Variants in RARB observed in about 807,000 individuals in gnomAD.
RARB encodes HBV-activated protein.
In RARB, 17 loss-of-function variants were observed where a neutral mutation model predicts 51.9. The observed-to-expected ratio is 0.33, with a 90% CI of 0.22 to 0.49. RARB has a LOEUF of 0.49. Ranked by LOEUF, RARB falls within the 20% of genes least tolerant of loss-of-function variation. The pLI is 0.99. For synonymous variants in RARB, 215 were observed against 195.4 expected (o/e 1.10, Z -0.84); for missense variants, 369 against 550.8 (o/e 0.67, Z 3.30).
chr3:25,059,220 C>G (rs192250872), intron 2 of RARB, among the ~76,000 whole-genome samples: 294 of 151,814 alleles, frequency 1.9e-3, no homozygotes, highest in Non-Finnish European at 3.2e-3. Context: ...TTAACCTAAG[C>G]CACTATTTAT....
chr3:25,410,325 G>C (rs1031034910), intron 5 of RARB, among the ~76,000 whole-genome samples: 1 of 152,118 alleles, frequency 6.6e-6, no homozygotes. Flanking sequence ...TCACAAATCT[G>C]TCTCTCTTAC....
intron 2 of RARB, among the ~76,000 whole-genome samples, chr3:24,890,982 C>T (rs1703367037): frequency 1.3e-5 from 2 of 152,126 alleles, no homozygotes; most frequent in East Asian, 3.9e-4. Flanking sequence ...CACCCATTAG[C>T]AGCCTAGTAA....
intron 5 of RARB, among the ~76,000 whole-genome samples, chr3:25,179,182 C>G (rs1023967346): frequency 6.6e-6 from 1 of 152,090 alleles, no homozygotes; most frequent in African/African-American, 2.4e-5. Context: ...AGTCTTATTT[C>G]TATTTTTTGT....
chr3:24,987,499 A>T (rs1696818974), intron 2 of RARB, among the ~76,000 whole-genome samples: 1 of 152,262 alleles, frequency 6.6e-6, no homozygotes, highest in Non-Finnish European at 1.5e-5. Flanking sequence ...AGAGAAAGAA[A>T]GAGATGGATC....
chr3:25,473,014 C>G (rs1409390501), intron 2 of RARB, among the ~76,000 whole-genome samples: 2 of 152,186 alleles, frequency 1.3e-5, no homozygotes, highest in Non-Finnish European at 2.9e-5. Flanking sequence ...GTTTTCTGTT[C>G]TCTTGTTGTA....
At chr3:25,094,743 G>GAAAAAAAAAAAAAAA (rs1559464234) in intron 3 of RARB, among the ~76,000 whole-genome samples, 25 of 87,012 alleles carry the variant, frequency 2.9e-4, no homozygotes, top group Admixed American at 4.7e-4. Context: ...AAAAAAAAAG[G>GAAAAAAAAAAAAAAA]AAACTGCAAC....
At chr3:25,160,802 G>A (rs1048341465) in intron 4 of RARB, among the ~76,000 whole-genome samples, 1 of 152,180 alleles carries the variant, frequency 6.6e-6, no homozygotes, top group Non-Finnish European at 1.5e-5. Context: ...AGGAGAACTT[G>A]TTTCCTTGCC....
intron 5 of RARB, among the ~76,000 whole-genome samples, chr3:25,401,510 C>T (rs764829097): frequency 2.6e-5 from 4 of 152,010 alleles, no homozygotes; most frequent in Non-Finnish European, 5.9e-5. Flanking sequence ...TCTTTAAAAG[C>T]AATGTGCTGA....
At chr3:25,146,740 C>T (rs549122976) in intron 4 of RARB, among the ~76,000 whole-genome samples, 108 of 151,946 alleles carry the variant, frequency 7.1e-4, no homozygotes, top group African/African-American at 2.5e-3. Flanking sequence ...AGGATAGTCT[C>T]GATCTCCTGA....
At position 24,950,185 on chromosome 3, in the gene RARB, A is replaced by C. The variant is rs985538327; in HGVS notation, c.-380+91433A>C. On this transcript the variant is annotated intron_variant, in intron 2 of 11. Transcript: ENST00000383772. ...TTCATTCTGTGTTTTCTTCGGAATT[A>C]ATAGAGCCTCTTAAAAACTGCCGTC... Among the ~76,000 whole-genome samples the C allele has an allele frequency of 3.3e-5, 5 of 152,330 alleles. No homozygotes were observed. In the East Asian group the frequency reaches 5.8e-4, roughly 18 times the overall value.
At chr3:25,320,406 A>T (rs967772283) in intron 5 of RARB, among the ~76,000 whole-genome samples, 1 of 152,118 alleles carries the variant, frequency 6.6e-6, no homozygotes, top group African/African-American at 2.4e-5. Flanking sequence ...TCGTCTTTAG[A>T]GCTGATCCAT....
chr3:24,887,241 G>A (rs557020054), intron 2 of RARB, among the ~76,000 whole-genome samples: 1 of 152,236 alleles, frequency 6.6e-6, no homozygotes, highest in East Asian at 1.9e-4. Flanking sequence ...GCGGCGGGGT[G>A]GAGAGACAAA....
At chr3:25,212,400 A>G (rs1018155134) in intron 5 of RARB, among the ~76,000 whole-genome samples, 1 of 152,216 alleles carries the variant, frequency 6.6e-6, no homozygotes, top group Non-Finnish European at 1.5e-5. Flanking sequence ...TGGGCAGATC[A>G]CAAGGTCAGG....
At chr3:25,261,905 T>C (rs573589745) in intron 5 of RARB, among the ~76,000 whole-genome samples, 1 of 152,076 alleles carries the variant, frequency 6.6e-6, no homozygotes, top group South Asian at 2.1e-4. Context: ...ATCTCCACCA[T>C]CTCCCATCTC....
chr3:24,894,123 T>G (rs1271668356), intron 2 of RARB, among the ~76,000 whole-genome samples: 1 of 152,172 alleles, frequency 6.6e-6, no homozygotes. Flanking sequence ...TTTTATAATT[T>G]CGACTTTTCT....
chr3:25,105,107 A>T (rs1180647565), intron 3 of RARB, among the ~76,000 whole-genome samples: 3 of 152,194 alleles, frequency 2.0e-5, no homozygotes, highest in Non-Finnish European at 4.4e-5. Flanking sequence ...TAATTCAAAC[A>T]TTGTTACGCT....
chr3:25,027,625 A>C lies in RARB; in HGVS notation c.-379-32500A>C, dbSNP rs76790574. Among the ~76,000 whole-genome samples, 271 of 151,746 alleles carry C rather than the reference A, an allele frequency of 1.8e-3. 1 individual carries two copies. The highest frequency in any genetic ancestry group is 2.7e-3 in the Non-Finnish European group (181 of 67,938). ...TACACTTTATGGAAAGGAAAAAAAA[A>C]CCACAATTCTGTTGACACTAATATA... On this transcript the variant is annotated intron_variant, in intron 2 of 11. Coordinates refer to the RARB transcript ENST00000383772.
rs78156665 is a variant in RARB at position 25,402,550 on chromosome 3, C to A, written c.179-58643C>A. On this transcript the variant is annotated intron_variant, in intron 5 of 11. Coordinates refer to the RARB transcript ENST00000383772. ...TACAATAGCTAAGATTTGGAAGCAA[C>A]CTAAGTTTCCATCAATAGATGAATG... 5.8e-3 allele frequency among the ~76,000 whole-genome samples: 877 copies of A among 152,200 alleles called. 10 individuals are homozygous for A. Among genetic ancestry groups the A allele is most frequent in the African/African-American group, 0.02 (829 of 41,522 alleles).
At chr3:25,222,664 A>C (rs1701972857) in intron 5 of RARB, among the ~76,000 whole-genome samples, 1 of 152,218 alleles carries the variant, frequency 6.6e-6, no homozygotes, top group Non-Finnish European at 1.5e-5. Context: ...AATGAACACT[A>C]TTCTGTTTAG....
Sources: allele counts gnomAD v4.1 joint callset (sites outside exome capture counted in the v4.1 genomes callset), GRCh38; gene constraint gnomAD v4.1.1; transcripts MANE v1.5; gene names NCBI Gene and HGNC (gene_info 2026-07-23, HGNC 2026-07-21).